Variants in LPA observed in about 807,000 individuals in gnomAD.
LPA encodes the protein apolipoprotein(a).
A neutral mutation model predicts 197.9 loss-of-function variants in LPA; 199 were observed. That is an observed-to-expected ratio of 1.01 (90% CI 0.90 to 1.13). The LOEUF (loss-of-function observed/expected upper bound fraction) is 1.13. LPA is among the 50% of genes most tolerant of loss of function. The probability of loss-of-function intolerance (pLI) is 0.00; values close to 1 mark genes in which losing one functional copy is unlikely to be tolerated. For synonymous variants in LPA, 715 were observed against 639.5 expected (o/e 1.12, Z -1.78); for missense variants, 1,853 against 1,785.8 (o/e 1.04, Z -0.68).
chr6:160,611,437 A>G, intron 16 of LPA, 125 bp downstream of exon 16: 2 of 1,511,950 alleles, frequency 1.3e-6, no homozygotes, highest in Non-Finnish European at 1.8e-6. Flanking sequence ...TCATCCTGAG[A>G]CATTTTGCTA....
chr6:160,605,221 A>T lies in LPA; in HGVS notation c.2786-16T>A, dbSNP rs756944525. The T allele has an allele frequency of 6.2e-7, 1 of 1,612,544 alleles. No individual in the cohort carries two copies. The highest frequency in any genetic ancestry group is 8.5e-7 in the Non-Finnish European group (1 of 1,179,650). On this transcript the variant is annotated splice_polypyrimidine_tract_variant and intron_variant, in intron 17 of 38. Coordinates refer to ENST00000316300, the MANE Select transcript of LPA (RefSeq NM_005577.4). The stretch of plus-strand genomic sequence containing the variant: ...TCAGTTGGTGCTGAAATGAAAAGAA[A>T]AGAAATCAAACTGAGTGTTTCCAAG...
At chr6:160,537,706 A>G in intron 37 of LPA, 149 bp downstream of exon 37, 1 of 722,074 alleles carries the variant, frequency 1.4e-6, no homozygotes, top group Non-Finnish European at 2.5e-6. Context: ...CTGATTATGG[A>G]GACATAGACA....
chr6:160,555,238 A>AATTATATTAT (rs533211549), intron 30 of LPA, among the ~76,000 whole-genome samples: 12,014 of 119,756 alleles, frequency 0.1, 705 homozygotes, highest in East Asian at 0.14. Context: ...TATATATATT[A>AATTATATTAT]ATTATATTAT....
At chr6:160,655,975 G>A (rs1780125197) in intron 1 of LPA, among the ~76,000 whole-genome samples, 1 of 152,322 alleles carries the variant, frequency 6.6e-6, no homozygotes, top group Non-Finnish European at 1.5e-5. Flanking sequence ...CTTATGGACA[G>A]GAATGGAGAA....
At chr6:160,658,823 T>C (rs1440944221) in intron 1 of LPA, among the ~76,000 whole-genome samples, 7 of 150,826 alleles carry the variant, frequency 4.6e-5, no homozygotes, top group African/African-American at 1.7e-4. Flanking sequence ...ACTTCTGGTA[T>C]GAAAATCTGT....
intron 20 of LPA, among the ~76,000 whole-genome samples, chr6:160,595,913 C>A (rs1390662507): frequency 6.6e-6 from 1 of 152,308 alleles, no homozygotes; most frequent in Admixed American, 6.5e-5. Flanking sequence ...CCTCCTTCCA[C>A]CTTCTGTGAA....
rs1376893846 is a variant in LPA, at chr6:160,555,283, T to C, written c.4973+742A>G. On this transcript the variant is annotated intron_variant, in intron 30 of 38. Coordinates refer to ENST00000316300, the MANE Select transcript of LPA (RefSeq NM_005577.4). Reference sequence around the variant, plus strand: ...TATTATATTATATTATATTATATTATATTATATGTTAGTGTGTGTGTGTGT... The same window carrying C: ...TATTATATTATATTATATTATATTACATTATATGTTAGTGTGTGTGTGTGT... 2.5e-5 allele frequency among the ~76,000 whole-genome samples: 3 copies of C among 119,786 alleles called. No individual in the cohort carries two copies. In the Admixed American group the frequency reaches 2.7e-4, roughly 11 times the overall value. 78.6% of individuals were successfully genotyped at this position (119,786 alleles called of 152,430 possible). A position where few individuals can be genotyped will look rare whatever the true frequency, so the allele number is the denominator to read the frequency against.
chr6:160,542,789 A>G lies in LPA; in HGVS notation c.5418T>C (p.Cys1806=). The G allele has an allele frequency of 1.2e-6, 2 of 1,614,114 alleles. No homozygotes were observed. The highest frequency in any genetic ancestry group is 1.7e-6 in the Non-Finnish European group (2 of 1,179,974). The change falls in exon 34 of 39, where the codon TGT becomes TGC. Residue 1806 remains cysteine, a synonymous_variant. Coordinates refer to ENST00000316300, the MANE Select transcript of LPA (RefSeq NM_005577.4). ...TCTTCGGCTCCACTTGAGGCTTCCCACAATCAAATGAAGAGGATGCTGTGG... is the reference window on the plus strand; with the variant it reads ...TCTTCGGCTCCACTTGAGGCTTCCCGCAATCAAATGAAGAGGATGCTGTGG... The part of the protein sequence containing the change: ...IPLCASSSFD[C]GKPQVEPKKC...
At chr6:160,656,325 C>G (rs1264345735) in intron 1 of LPA, among the ~76,000 whole-genome samples, 1 of 152,128 alleles carries the variant, frequency 6.6e-6, no homozygotes, top group African/African-American at 2.4e-5. Flanking sequence ...GCCTTTCCCA[C>G]CATAATAGCC....
At chr6:160,580,486 G>C (rs1778772967) in intron 26 of LPA, among the ~76,000 whole-genome samples, 1 of 152,196 alleles carries the variant, frequency 6.6e-6, no homozygotes, top group South Asian at 2.1e-4. Context: ...GAAAGCATCA[G>C]ACTGATTTTT....
In LPA at chr6:160,601,076, G is replaced by A. The variant is rs186072375; in HGVS notation, c.2968C>T (p.Arg990Ter). Reference sequence around the variant, plus strand: ...GGGGCTGCCACAGGATCTGGATTTCGGCAGTAGTTCTTGATCAAGCCACTG... The same window carrying A: ...GGGGCTGCCACAGGATCTGGATTTCAGCAGTAGTTCTTGATCAAGCCACTG... Reference protein sequence around the residue: ...PNAGLIKNYCRNPDPVAAPWC... With the variant: ...PNAGLIKNYC The change falls in exon 19 of 39, where the codon CGA (arginine) becomes TGA (stop). Residue 990 changes from arginine (R) to a stop codon, truncating the protein, a stop_gained. Transcript: ENST00000316300. LOFTEE classifies it high-confidence loss of function. 4.3e-6 allele frequency: 7 copies of A among 1,613,854 alleles called. No homozygotes were observed. Among genetic ancestry groups the A allele is most frequent in the Admixed American group, 1.7e-5 (1 of 59,974 alleles).
chr6:160,560,453 G>C (rs1170840377), intron 28 of LPA, among the ~76,000 whole-genome samples: 1 of 152,170 alleles, frequency 6.6e-6, no homozygotes, highest in African/African-American at 2.4e-5. Context: ...TTCAGCATCT[G>C]TTGTTTCCTG....
At chr6:160,609,520 T>C (rs1779435409) in intron 16 of LPA, among the ~76,000 whole-genome samples, 1 of 151,998 alleles carries the variant, frequency 6.6e-6, no homozygotes, top group Non-Finnish European at 1.5e-5. Context: ...GTGCATCATG[T>C]AGTTTTTTTT....
chr6:160,544,097 A>G (rs1778025766), intron 33 of LPA, among the ~76,000 whole-genome samples: 1 of 152,202 alleles, frequency 6.6e-6, no homozygotes, highest in Admixed American at 6.5e-5. Context: ...GGACAGCAGA[A>G]TTGCACCTGG....
Position 160,664,262 on chromosome 6 carries a change from C to T in LPA, c.-48G>A, listed in dbSNP as rs746524158. On this transcript the variant is annotated 5_prime_UTR_variant, in exon 1 of 39. The change abolishes an upstream ATG in the 5' untranslated region. Coordinates refer to ENST00000316300, the MANE Select transcript of LPA (RefSeq NM_005577.4). ...CAGAAAGTGTGTCCCAATCCCAGGA[C>T]ATTGTTGACTTACATGAGAGTAAAC... 1.8e-5 allele frequency: 29 copies of T among 1,592,284 alleles called. No individual in the cohort carries two copies. The highest frequency in any genetic ancestry group is 6.7e-5 in the African/African-American group (5 of 74,124).
At chr6:160,570,381 A>G (rs1778541356) in intron 28 of LPA, among the ~76,000 whole-genome samples, 1 of 152,212 alleles carries the variant, frequency 6.6e-6, no homozygotes, top group African/African-American at 2.4e-5. Context: ...AAACTATCAC[A>G]AGGACAGAAA....
At chr6:160,560,542 G>A in intron 28 of LPA, among the ~76,000 whole-genome samples, 1 of 152,156 alleles carries the variant, frequency 6.6e-6, no homozygotes, top group East Asian at 1.9e-4. Flanking sequence ...CTAATTAACA[G>A]TGATGATGAG....
chr6:160,607,224 A>C (rs1779375458), intron 16 of LPA, among the ~76,000 whole-genome samples: 2 of 152,072 alleles, frequency 1.3e-5, no homozygotes, highest in African/African-American at 2.4e-5. Context: ...ATGGAAAAGC[A>C]CTGTGCAAAT....
chr6:160,534,835 G>A (rs562763658), intron 37 of LPA, among the ~76,000 whole-genome samples: 1 of 152,200 alleles, frequency 6.6e-6, no homozygotes, highest in South Asian at 2.1e-4. Flanking sequence ...GAAACAGTGA[G>A]TGGGCTCTGG....
Sources: gnomAD v4.1 joint callset for allele counts (sites outside exome capture counted in the v4.1 genomes callset) on GRCh38, gnomAD v4.1.1 for gene constraint, MANE v1.5 for transcripts, NCBI Gene and HGNC (gene_info 2026-07-23, HGNC 2026-07-21) for gene names.